Variants in ALDH1A3 observed in about 807,000 individuals in gnomAD.
ALDH1A3 encodes the protein retinaldehyde dehydrogenase 3.
In ALDH1A3, 28 loss-of-function variants were observed where a neutral mutation model predicts 57.5. The ratio of observed to expected loss-of-function variants is 0.49; its 90% CI spans 0.36 to 0.67. The LOEUF is 0.67. Ranked by LOEUF, ALDH1A3 falls within the 30% of genes least tolerant of loss-of-function variation. The pLI, the probability that ALDH1A3 is intolerant of heterozygous loss-of-function variation, is 0.00. For missense variants in ALDH1A3, 507 were observed against 669.4 expected, an observed-to-expected ratio of 0.76 and a Z score of 2.68; for synonymous variants, 281 against 264.8, an observed-to-expected ratio of 1.06 and a Z score of -0.59.
chr15:100,908,439 G>A lies in ALDH1A3; in HGVS notation c.1423G>A (p.Ala475Thr). 6.2e-7 allele frequency: 1 copy of A among 1,613,898 alleles called. No individual in the cohort carries two copies. The highest frequency in any genetic ancestry group is 8.5e-7 in the Non-Finnish European group (1 of 1,179,878). The change falls in exon 12 of 13, where the codon GCT becomes ACT. Residue 475 changes from alanine to threonine, a missense_variant. Around this residue, in one of 2 missense-constraint regions of ALDH1A3, gnomAD observed 432 missense variants for 608.4 expected, o/e 0.71. Transcript: ENST00000329841. Reference sequence around the variant, plus strand: ...CTGCTACAACGCCCTCTATGCACAGGCTCCATTTGGTGGCTTTAAAATGTC... The same window carrying A: ...CTGCTACAACGCCCTCTATGCACAGACTCCATTTGGTGGCTTTAAAATGTC... Reference protein sequence around the residue: ...INCYNALYAQAPFGGFKMSGN... With the variant: ...INCYNALYAQTPFGGFKMSGN...
intron 3 of ALDH1A3, 57 bp from the exon 4 acceptor site, chr15:100,892,453 G>C: frequency 6.2e-7 from 1 of 1,608,382 alleles, no homozygotes; most frequent in Non-Finnish European, 8.5e-7. Flanking sequence ...TTAACAACCT[G>C]ACAGTGCAAA....
intron 9 of ALDH1A3, among the ~76,000 whole-genome samples, chr15:100,904,921 G>A (rs191987974): frequency 6.0e-4 from 92 of 152,194 alleles, no homozygotes; most frequent in African/African-American, 2.2e-3. Flanking sequence ...TTTTCTTCTC[G>A]CTTCTCTGCA....
At chr15:100,882,717 G>T (rs1035600836) in intron 1 of ALDH1A3, among the ~76,000 whole-genome samples, 2 of 152,130 alleles carry the variant, frequency 1.3e-5, no homozygotes, top group Non-Finnish European at 2.9e-5. Context: ...CCTCTATAAG[G>T]TTTGTTGTAT....
chr15:100,897,586 G>A (rs1312545874), intron 7 of ALDH1A3, among the ~76,000 whole-genome samples: 2 of 152,134 alleles, frequency 1.3e-5, no homozygotes, highest in African/African-American at 4.8e-5. Context: ...CGGAAGGCTG[G>A]CTGCCCTCGC....
rs926971070 is a variant in ALDH1A3, at chr15:100,890,408, AT to A, written c.346-2094del. Among the ~76,000 whole-genome samples, 4 of 152,016 alleles carry A rather than the reference AT, an allele frequency of 2.6e-5. No homozygotes were observed. The East Asian group carries it at 7.7e-4, about 29-fold the overall frequency. ...GCACTTGGACTCACTCACCTGCATAATTTTTTTTAATAATTTCCCGTCTAAA... is the reference window on the plus strand; with the variant it reads ...GCACTTGGACTCACTCACCTGCATAATTTTTTTAATAATTTCCCGTCTAAA... On this transcript the variant is annotated intron_variant, in intron 3 of 12. Transcript: ENST00000329841.
chr15:100,910,895 C>G (rs1230592895), intron 12 of ALDH1A3, among the ~76,000 whole-genome samples: 1 of 152,196 alleles, frequency 6.6e-6, no homozygotes, highest in Non-Finnish European at 1.5e-5. Flanking sequence ...GTGTGTACTG[C>G]TTTGCACTGG....
At chr15:100,892,340 G>A in intron 3 of ALDH1A3, 170 bp from the exon 4 acceptor site, 1 of 835,772 alleles carries the variant, frequency 1.2e-6, no homozygotes, top group South Asian at 2.0e-5. Context: ...TCAGAGACAG[G>A]CCTCGCTTTA....
At chr15:100,892,474 G>A (rs753449630) in intron 3 of ALDH1A3, 36 bp from the exon 4 acceptor site, 2 of 1,607,998 alleles carry the variant, frequency 1.2e-6, no homozygotes, top group Non-Finnish European at 8.5e-7. Flanking sequence ...AGAAAAGCAA[G>A]CTATGTCCGA....
At chr15:100,900,038 C>A (rs1183440628) in intron 8 of ALDH1A3, among the ~76,000 whole-genome samples, 1 of 152,188 alleles carries the variant, frequency 6.6e-6, no homozygotes, top group Non-Finnish European at 1.5e-5. Flanking sequence ...TCTCTAAATA[C>A]CCTCTGGCTT....
chr15:100,890,922 C>T (rs1012434833), intron 3 of ALDH1A3, among the ~76,000 whole-genome samples: 15 of 152,188 alleles, frequency 9.9e-5, no homozygotes, highest in African/African-American at 3.4e-4. Context: ...TAGGAACCAA[C>T]ACTAGAGTAT....
At chr15:100,909,858 C>G (rs1217898676) in intron 12 of ALDH1A3, among the ~76,000 whole-genome samples, 1 of 152,248 alleles carries the variant, frequency 6.6e-6, no homozygotes, top group East Asian at 1.9e-4. Context: ...CCATCTGTGA[C>G]AACACCCCAG....
chr15:100,881,822 T>C (rs955313595), intron 1 of ALDH1A3, among the ~76,000 whole-genome samples: 4 of 152,216 alleles, frequency 2.6e-5, no homozygotes, highest in African/African-American at 4.8e-5. Context: ...TGGGGGACTG[T>C]GCTGCTGCCT....
chr15:100,907,802 T>TTATTCCTC (rs1291185840), intron 11 of ALDH1A3, among the ~76,000 whole-genome samples: 2 of 151,918 alleles, frequency 1.3e-5, no homozygotes, highest in African/African-American at 4.8e-5. Flanking sequence ...AAGCTAATTC[T>TTATTCCTC]TATTCCTCTA....
Position 100,907,266 on chromosome 15 carries a change from C to G in ALDH1A3, c.1379C>G (p.Ser460Cys), listed in dbSNP as rs1327059295. The G allele has an allele frequency of 6.2e-7, 1 of 1,614,140 alleles. No individual in the cohort carries two copies. The highest frequency in any genetic ancestry group is 1.7e-5 in the Admixed American group (1 of 60,012). Residue 460 changes from serine to cysteine, a missense_variant, in exon 11 of 13, where the codon TCT becomes TGT. Around this residue, in one of 2 missense-constraint regions of ALDH1A3, gnomAD observed 432 missense variants for 608.4 expected, o/e 0.71. Coordinates refer to ENST00000329841, the MANE Select transcript of ALDH1A3 (RefSeq NM_000693.4). ...CTGAAGTTGGCTTCTGCCTTAGAGT[C>G]TGGAACGGTCTGGTGAGTTGACTGT... is the stretch of plus-strand genomic sequence containing the variant. Reference protein sequence around the residue: ...KALKLASALESGTVWINCYNA... With the variant: ...KALKLASALECGTVWINCYNA...
intron 3 of ALDH1A3, among the ~76,000 whole-genome samples, chr15:100,890,135 C>T (rs2041635534): frequency 6.6e-6 from 1 of 152,204 alleles, no homozygotes; most frequent in South Asian, 2.1e-4. Context: ...CGGAAGCCCT[C>T]CCTATCCACT....
intron 3 of ALDH1A3, 78 bp from the exon 4 acceptor site, chr15:100,892,432 A>G (rs2041659648): frequency 6.3e-7 from 1 of 1,597,384 alleles, no homozygotes; most frequent in Non-Finnish European, 8.5e-7. Context: ...TTCTCTCCCC[A>G]ACTTCCATCT....
Position 100,887,544 on chromosome 15 carries a change from GTCTC to G in ALDH1A3, c.205-22_205-19del. 6.6e-7 allele frequency: 1 copy of G among 1,526,178 alleles called. No homozygotes were observed. The highest frequency in any genetic ancestry group is 1.4e-5 in the African/African-American group (1 of 71,954). 94.5% of individuals were successfully genotyped at this position (1,526,178 alleles called of 1,614,324 possible). A position where few individuals can be genotyped will look rare whatever the true frequency, so the allele number is the denominator to read the frequency against. ...ACTGCAGTCACGTCAAAAGATGACA[GTCTC>G]TCTCTGTTGTTCTGGTCGCTCAGCC... On this transcript the variant is annotated intron_variant, in intron 2 of 12. Coordinates refer to ENST00000329841, the MANE Select transcript of ALDH1A3 (RefSeq NM_000693.4). This position sits in a 1 kb window ranked among gnomAD's most constrained non-coding sequence, Gnocchi z 4.6.
chr15:100,888,464 A>G (rs569815596), intron 3 of ALDH1A3: 2 of 152,314 alleles, frequency 1.3e-5, no homozygotes, highest in South Asian at 2.1e-4. Flanking sequence ...TATTCATGAA[A>G]TCACAGGTTT....
At chr15:100,892,833 C>A in intron 4 of ALDH1A3, 112 bp from the exon 5 acceptor site, 3 of 1,366,308 alleles carry the variant, frequency 2.2e-6, no homozygotes, top group South Asian at 2.7e-5. Context: ...GTATAATAGA[C>A]AAGACTTGAA....
Sources: allele counts gnomAD v4.1 joint callset (sites outside exome capture counted in the v4.1 genomes callset), GRCh38; gene constraint gnomAD v4.1.1; regional missense constraint gnomAD v4.1.1; non-coding constraint Gnocchi (gnomAD v3.1); transcripts MANE v1.5; gene names NCBI Gene and HGNC (gene_info 2026-07-23, HGNC 2026-07-21).